The following MYT1L variants were observed in gnomAD, a reference collection of about 807,000 sequenced individuals.
MYT1L encodes myelin transcription factor 1-like protein.
MYT1L carries 12 observed loss-of-function variants against 126.7 expected under a neutral mutation model. The ratio of observed to expected loss-of-function variants is 0.09; its 90% CI spans 0.06 to 0.15. The LOEUF (loss-of-function observed/expected upper bound fraction) is 0.15, where lower values mean the gene tolerates loss of function less well. MYT1L is among the 10% of genes least tolerant of loss of function. MYT1L has a pLI of 1.00. For synonymous variants in MYT1L, 541 were observed against 604.2 expected, an observed-to-expected ratio of 0.90 and a Z score of 1.53; for missense variants, 979 against 1,585.2, an observed-to-expected ratio of 0.62 and a Z score of 6.49.
intron 3 of MYT1L, among the ~76,000 whole-genome samples, chr2:2,157,415 T>G (rs1250608667): frequency 6.6e-6 from 1 of 152,214 alleles, no homozygotes; most frequent in Non-Finnish European, 1.5e-5. Flanking sequence ...AATAATAATT[T>G]CTTTATTATT....
chr2:2,022,364 A>T (rs1052460116), intron 4 of MYT1L, among the ~76,000 whole-genome samples: 3 of 152,192 alleles, frequency 2.0e-5, no homozygotes, highest in Admixed American at 2.0e-4. Context: ...ACATCTTCTC[A>T]TGCAAATTTA....
chr2:2,173,965 C>A (rs958143776), intron 2 of MYT1L, among the ~76,000 whole-genome samples: 1 of 152,152 alleles, frequency 6.6e-6, no homozygotes, highest in African/African-American at 2.4e-5. Context: ...TAAGATAACA[C>A]AAGATTTCCT....
chr2:2,076,119 G>C (rs1029589035), intron 3 of MYT1L, among the ~76,000 whole-genome samples: 1 of 152,208 alleles, frequency 6.6e-6, no homozygotes, highest in Admixed American at 6.5e-5. Flanking sequence ...CAAGGCTGTG[G>C]TTTCAGCTGG....
intron 5 of MYT1L, among the ~76,000 whole-genome samples, chr2:1,984,859 C>T (rs1207352976): frequency 1.3e-5 from 2 of 152,114 alleles, no homozygotes; most frequent in African/African-American, 2.4e-5. Context: ...AGTAAAATCC[C>T]TTGGAGTCCT....
At chr2:1,947,530 G>A (rs749114145) in intron 8 of MYT1L, among the ~76,000 whole-genome samples, 3 of 152,142 alleles carry the variant, frequency 2.0e-5, no homozygotes, top group Admixed American at 1.3e-4. Flanking sequence ...CTGGGCCATC[G>A]AGGCGTGGGA....
intron 21 of MYT1L, among the ~76,000 whole-genome samples, chr2:1,813,071 C>T (rs79542586): frequency 0.032 from 4,894 of 152,194 alleles, 104 homozygotes; most frequent in East Asian, 0.067. Flanking sequence ...GAGCAGCTCC[C>T]ATCTTTCCCC....
chr2:2,272,745 T>C (rs1023035437), intron 2 of MYT1L, among the ~76,000 whole-genome samples: 1 of 152,208 alleles, frequency 6.6e-6, no homozygotes, highest in Non-Finnish European at 1.5e-5. Flanking sequence ...CCCAAGGGCT[T>C]CCCTGCCAGT....
chr2:2,120,767 G>A (rs1187422937), intron 3 of MYT1L, among the ~76,000 whole-genome samples: 1 of 152,128 alleles, frequency 6.6e-6, no homozygotes, highest in Non-Finnish European at 1.5e-5. Flanking sequence ...ACTCCGCACT[G>A]TGGATACGAA....
chr2:1,845,590 C>G (rs1435580881), intron 19 of MYT1L, among the ~76,000 whole-genome samples: 1 of 152,106 alleles, frequency 6.6e-6, no homozygotes, highest in Non-Finnish European at 1.5e-5. Flanking sequence ...CATTGCTGCT[C>G]TCCTCACCTG....
chr2:2,068,783 T>G (rs1311330582), intron 3 of MYT1L, among the ~76,000 whole-genome samples: 12 of 141,014 alleles, frequency 8.5e-5, no homozygotes, highest in African/African-American at 2.4e-4. Flanking sequence ...TTTTTTTTTT[T>G]TTTTTTTTTT....
At chr2:1,843,750 G>A (rs549918136) in intron 19 of MYT1L, among the ~76,000 whole-genome samples, 1 of 152,300 alleles carries the variant, frequency 6.6e-6, no homozygotes, top group African/African-American at 2.4e-5. Flanking sequence ...CTCCACCACA[G>A]AGGCCGAGCT....
chr2:1,937,892 C>A lies in MYT1L; in HGVS notation c.505+5090G>T, dbSNP rs141393174. ...CACCGCACACCTTTGGGTCACTGAT[C>A]TGGAGAACGCGATACAGGAAGCCAG... is the stretch of plus-strand genomic sequence containing the variant. On this transcript the variant is annotated intron_variant, in intron 9 of 24. Coordinates refer to ENST00000647738, the MANE Select transcript of MYT1L (RefSeq NM_001303052.2). Among the ~76,000 whole-genome samples, 342 of 152,296 alleles carry A rather than the reference C, an allele frequency of 2.2e-3. 1 individual carries two copies. The highest frequency in any genetic ancestry group is 3.8e-3 in the Non-Finnish European group (258 of 68,036).
intron 13 of MYT1L, among the ~76,000 whole-genome samples, chr2:1,903,957 G>A (rs140119431): frequency 1.1e-3 from 162 of 151,768 alleles, no homozygotes; most frequent in Non-Finnish European, 1.5e-3. Flanking sequence ...GTGCGCGTGC[G>A]CGCGTGTGTG....
chr2:2,282,717 A>G (rs1406490666), intron 2 of MYT1L, among the ~76,000 whole-genome samples: 2 of 152,250 alleles, frequency 1.3e-5, no homozygotes, highest in Non-Finnish European at 2.9e-5. Flanking sequence ...GATGAAGTAT[A>G]TTTCAGTGTA....
intron 1 of MYT1L, among the ~76,000 whole-genome samples, chr2:2,301,115 CAA>C (rs1286740926): frequency 6.6e-5 from 10 of 152,096 alleles, no homozygotes; most frequent in Non-Finnish European, 1.0e-4. Flanking sequence ...CACATTAATC[CAA>C]AGAGTGTTCT....
At chr2:2,197,627 GCA>G (rs961828965) in intron 2 of MYT1L, among the ~76,000 whole-genome samples, 11 of 148,632 alleles carry the variant, frequency 7.4e-5, no homozygotes, top group South Asian at 2.1e-4. Flanking sequence ...ATACACACAT[GCA>G]CACACACACG....
At chr2:2,079,046 T>C (rs2075528520) in intron 3 of MYT1L, among the ~76,000 whole-genome samples, 2 of 152,142 alleles carry the variant, frequency 1.3e-5, no homozygotes, top group Non-Finnish European at 2.9e-5. Context: ...TGCCTGCCTA[T>C]GAGGAAATGA....
intron 3 of MYT1L, among the ~76,000 whole-genome samples, chr2:2,161,487 G>A (rs1361330845): frequency 2.6e-5 from 4 of 152,246 alleles, no homozygotes; most frequent in Non-Finnish European, 4.4e-5. Flanking sequence ...GCCACTCTGG[G>A]AGCCTGAAGA....
Position 2,271,841 on chromosome 2 carries a change from AT to A in MYT1L, c.-421+12562del, listed in dbSNP as rs534244213. Reference sequence around the variant, plus strand: ...ACCCCAACGACATCCTTGGGTTTGAATTTTGGAGGGACACACAGTTCAGCCC... The same window carrying A: ...ACCCCAACGACATCCTTGGGTTTGAATTTGGAGGGACACACAGTTCAGCCC... On this transcript the variant is annotated intron_variant, in intron 2 of 24. Coordinates refer to ENST00000647738, the MANE Select transcript of MYT1L (RefSeq NM_001303052.2). Among the ~76,000 whole-genome samples the A allele has an allele frequency of 1.1e-4, 17 of 152,300 alleles. No individual in the cohort carries two copies. In the South Asian group the frequency reaches 3.5e-3, roughly 32 times the overall value.
Sources: allele counts gnomAD v4.1 joint callset (sites outside exome capture counted in the v4.1 genomes callset), GRCh38; gene constraint gnomAD v4.1.1; transcripts MANE v1.5; gene names NCBI Gene and HGNC (gene_info 2026-07-23, HGNC 2026-07-21).